The following TECPR2 variants were observed in gnomAD, a reference collection of about 807,000 sequenced individuals.
TECPR2 encodes the protein tectonin beta-propeller repeat containing 2, also known as tectonin beta-propeller repeat-containing protein 2.
Under a neutral mutation model 138.1 loss-of-function variants are expected in TECPR2, and 65 were observed. The observed-to-expected ratio is 0.47, with a 90% CI of 0.39 to 0.58. The LOEUF (loss-of-function observed/expected upper bound fraction) is 0.58, where lower values mean the gene tolerates loss of function less well. Among genes scored for constraint, TECPR2 ranks in the 20% least tolerant of loss-of-function variants. The probability of loss-of-function intolerance (pLI) is 0.00; values close to 1 mark genes in which losing one functional copy is unlikely to be tolerated. For synonymous variants in TECPR2, 746 were observed against 749.8 expected (o/e 0.99, Z 0.08); for missense variants, 1,553 against 1,824.5 (o/e 0.85, Z 2.71).
At chr14:102,367,621 T>C (rs1015525484) in intron 1 of TECPR2, among the ~76,000 whole-genome samples, 1 of 152,238 alleles carries the variant, frequency 6.6e-6, no homozygotes, top group African/African-American at 2.4e-5. Flanking sequence ...TTCCATTGTG[T>C]GGATAGATCA....
At chr14:102,424,295 C>G (rs1248032948) in intron 5 of TECPR2, among the ~76,000 whole-genome samples, 1 of 152,070 alleles carries the variant, frequency 6.6e-6, no homozygotes, top group Admixed American at 6.6e-5. Flanking sequence ...CTTATGGGAC[C>G]ACTGTTGTAT....
At chr14:102,491,554 C>G (rs1891160871) in intron 17 of TECPR2, among the ~76,000 whole-genome samples, 1 of 152,166 alleles carries the variant, frequency 6.6e-6, no homozygotes, top group Non-Finnish European at 1.5e-5. Flanking sequence ...TCCCACGTCA[C>G]TCAGAATGAA....
chr14:102,434,608 C>A lies in TECPR2; in HGVS notation c.1791C>A (p.Leu597=). 1 of 1,573,650 alleles carries A rather than the reference C, an allele frequency of 6.4e-7. No individual in the cohort carries two copies. The highest frequency in any genetic ancestry group is 8.7e-7 in the Non-Finnish European group (1 of 1,155,264). Residue 597 remains leucine, a synonymous_variant, in exon 9 of 20, where the codon CTC becomes CTA. Coordinates refer to ENST00000359520, the MANE Select transcript of TECPR2 (RefSeq NM_014844.5). ...EDVGGSDVTG[L]GDEPCPADDG... Reference sequence around the variant, plus strand: ...TGGGAGGCAGTGATGTCACGGGACTCGGAGATGAGCCGTGTCCTGCAGATG... The same window carrying A: ...TGGGAGGCAGTGATGTCACGGGACTAGGAGATGAGCCGTGTCCTGCAGATG...
intron 1 of TECPR2, among the ~76,000 whole-genome samples, chr14:102,372,222 A>G (rs1351608267): frequency 6.6e-6 from 1 of 151,344 alleles, no homozygotes; most frequent in Non-Finnish European, 1.5e-5. Flanking sequence ...AAGTGCTAGG[A>G]TTACAGGTGT....
At position 102,408,567 on chromosome 14, in the gene TECPR2, T is replaced by C; in HGVS notation, c.428T>C (p.Phe143Ser). 1 of 1,613,702 alleles carries C rather than the reference T, an allele frequency of 6.2e-7. No homozygotes were observed. Among genetic ancestry groups the C allele is most frequent in the Non-Finnish European group, 8.5e-7 (1 of 1,179,898 alleles). The change falls in exon 4 of 20, where the codon TTC becomes TCC. Residue 143 changes from phenylalanine to serine, a missense_variant. Phe to Ser is a radical substitution (Grantham distance 155, BLOSUM62 -2). Transcript: ENST00000359520. ...LAWSPNGMKL[F>S]SGDDKGKIVY... ...TGGAGCCCCAATGGAATGAAATTGT[T>C]CTCTGGAGATGACAAAGGCAAAATT...
chr14:102,483,836 G>A (rs1439929801), intron 17 of TECPR2, among the ~76,000 whole-genome samples: 1 of 96,652 alleles, frequency 1.0e-5, no homozygotes, highest in Non-Finnish European at 2.0e-5. Flanking sequence ...TGCCCTTGTT[G>A]CCCAGGCTGG....
intron 17 of TECPR2, 91 bp from the exon 18 acceptor site, chr14:102,496,888 G>C: frequency 6.4e-7 from 1 of 1,551,994 alleles, no homozygotes. Flanking sequence ...GCTGCATGCT[G>C]CCACTAACAT....
At chr14:102,407,910 T>C (rs550985968) in intron 3 of TECPR2, among the ~76,000 whole-genome samples, 88 of 152,160 alleles carry the variant, frequency 5.8e-4, no homozygotes, top group Admixed American at 2.7e-3. Context: ...GGCAGGAGAA[T>C]GGCGTGAACC....
chr14:102,450,426 C>T (rs756347928), intron 14 of TECPR2, 134 bp from the exon 15 acceptor site: 28 of 797,614 alleles, frequency 3.5e-5, no homozygotes, highest in Admixed American at 7.0e-5. Context: ...TTGCTCATGT[C>T]GCTTTATTTA....
intron 17 of TECPR2, among the ~76,000 whole-genome samples, chr14:102,484,877 C>T (rs1890987358): frequency 6.6e-6 from 1 of 152,192 alleles, no homozygotes; most frequent in South Asian, 2.1e-4. Context: ...AGGCTGGTCT[C>T]GAACTCCTGG....
At chr14:102,363,882 G>A (rs747275717) in intron 1 of TECPR2, among the ~76,000 whole-genome samples, 1 of 152,238 alleles carries the variant, frequency 6.6e-6, no homozygotes, top group African/African-American at 2.4e-5. Flanking sequence ...GGGAGCCCCT[G>A]CTGTCATCTG....
chr14:102,456,690 C>T (rs568262114), intron 16 of TECPR2, among the ~76,000 whole-genome samples: 3 of 150,600 alleles, frequency 2.0e-5, no homozygotes, highest in Admixed American at 6.6e-5. Context: ...CCTGGGTTCA[C>T]GTCATTCTCC....
chr14:102,421,615 G>T (rs947411120), intron 5 of TECPR2, among the ~76,000 whole-genome samples: 5 of 152,200 alleles, frequency 3.3e-5, no homozygotes, highest in Non-Finnish European at 5.9e-5. Context: ...GCCGAGGTCT[G>T]GTGGGGAAGC....
In TECPR2 at chr14:102,437,766, G is replaced by A. The variant is rs17718112; in HGVS notation, c.2395-256G>A. ...TGCTCTAAGCGTTACATTTGCAAAG[G>A]TGTTAGAACAGGAGAAAATGTCATC... On this transcript the variant is annotated intron_variant, in intron 9 of 19. Transcript: ENST00000359520. Among the ~76,000 whole-genome samples the A allele has an allele frequency of 0.048, 7,267 of 152,192 alleles. 227 individuals carry two copies. Among genetic ancestry groups the A allele is most frequent in the Middle Eastern group, 0.092 (27 of 294 alleles).
chr14:102,402,139 A>T (rs1888508562), intron 2 of TECPR2, among the ~76,000 whole-genome samples: 2 of 152,206 alleles, frequency 1.3e-5, no homozygotes, highest in Non-Finnish European at 2.9e-5. Flanking sequence ...TCCAGGATAG[A>T]CTATATGTTA....
intron 16 of TECPR2, among the ~76,000 whole-genome samples, chr14:102,455,299 G>A (rs539048748): frequency 1.4e-3 from 211 of 152,240 alleles, no homozygotes; most frequent in African/African-American, 4.9e-3. Flanking sequence ...GTCAGTATCC[G>A]GCTGACCCCG....
chr14:102,392,086 T>A (rs1888191800), intron 2 of TECPR2, among the ~76,000 whole-genome samples: 1 of 152,136 alleles, frequency 6.6e-6, no homozygotes, highest in Non-Finnish European at 1.5e-5. Flanking sequence ...CCTCCCACAT[T>A]CAAGTGATTC....
chr14:102,398,360 T>C (rs1888375828), intron 2 of TECPR2, among the ~76,000 whole-genome samples: 1 of 152,072 alleles, frequency 6.6e-6, no homozygotes, highest in Non-Finnish European at 1.5e-5. Context: ...AGGGTCATCA[T>C]CAAAGAGACT....
intron 5 of TECPR2, among the ~76,000 whole-genome samples, chr14:102,421,160 TA>T (rs1889169905): frequency 6.6e-6 from 1 of 152,102 alleles, no homozygotes; most frequent in South Asian, 2.1e-4. Flanking sequence ...GTCCTACAAA[TA>T]GAAGGAAAAC....
Sources: allele counts gnomAD v4.1 joint callset (sites outside exome capture counted in the v4.1 genomes callset), GRCh38; gene constraint gnomAD v4.1.1; transcripts MANE v1.5; gene names NCBI Gene and HGNC (gene_info 2026-07-23, HGNC 2026-07-21).